Variants in MRPL1 observed in about 807,000 individuals in gnomAD.
MRPL1 encodes large ribosomal subunit protein uL1m.
MRPL1 carries 28 observed loss-of-function variants against 38.0 expected under a neutral mutation model. The observed-to-expected ratio is 0.74, with a 90% confidence interval of 0.55 to 1.01. The LOEUF (loss-of-function observed/expected upper bound fraction) is 1.01. MRPL1 is among the 50% of genes least tolerant of loss of function. The pLI, the probability that MRPL1 is intolerant of heterozygous loss-of-function variation, is 0.00. For synonymous variants in MRPL1, 123 were observed against 126.7 expected (o/e 0.97, Z 0.20); for missense variants, 358 against 389.8 (o/e 0.92, Z 0.69).
chr4:77,931,234 A>C (rs1273919012), intron 7 of MRPL1, among the ~76,000 whole-genome samples: 1 of 152,244 alleles, frequency 6.6e-6, no homozygotes, highest in Non-Finnish European at 1.5e-5. Context: ...CAATTATTGA[A>C]GGCCACCACT....
intron 8 of MRPL1, among the ~76,000 whole-genome samples, chr4:77,950,410 C>T (rs754077698): frequency 6.6e-6 from 1 of 152,166 alleles, no homozygotes; most frequent in Non-Finnish European, 1.5e-5. Flanking sequence ...AGAACACAGG[C>T]ATCCAGTTTC....
rs866310495 is a variant in MRPL1 at position 77,883,256 on chromosome 4, CA to C, written c.165del (p.Gly56ValfsTer14). The part of the protein sequence containing the change: ...FAAATKSAKK[T>X]KKGAKEKTPD... Reference sequence around the variant, plus strand: ...TTTCTTTTAAGGTCTGCAAAGAAAACAAAAAAAGGTGCTAAAGAAAAAACAC... The same window carrying C: ...TTTCTTTTAAGGTCTGCAAAGAAAACAAAAAAGGTGCTAAAGAAAAAACAC... On this transcript the variant is annotated frameshift_variant, in exon 3 of 9. Transcript: ENST00000315567. LOFTEE classifies it high-confidence loss of function. The C allele has an allele frequency of 6.5e-6, 10 of 1,547,118 alleles. No homozygotes were observed. Among genetic ancestry groups the C allele is most frequent in the Admixed American group, 2.0e-5 (1 of 49,434 alleles).
chr4:77,876,533 A>G (rs1375511053), intron 2 of MRPL1, among the ~76,000 whole-genome samples: 1 of 152,268 alleles, frequency 6.6e-6, no homozygotes, highest in Non-Finnish European at 1.5e-5. Context: ...TTAAAAAACC[A>G]TGAAAATTTA....
chr4:77,896,370 G>A (rs1440190241), intron 6 of MRPL1, among the ~76,000 whole-genome samples: 2 of 151,862 alleles, frequency 1.3e-5, no homozygotes, highest in East Asian at 1.9e-4. Flanking sequence ...CCCTATTTGC[G>A]TAGGCACCTT....
intron 7 of MRPL1, among the ~76,000 whole-genome samples, chr4:77,918,107 A>G (rs1457096819): frequency 6.6e-6 from 1 of 152,046 alleles, no homozygotes; most frequent in African/African-American, 2.4e-5. Flanking sequence ...TAGAAGTTAC[A>G]GAAAAGTAGC....
Position 77,949,873 on chromosome 4 carries a change from A to AT in MRPL1, c.857dup (p.Leu286PhefsTer12), listed in dbSNP as rs774278872. 6.2e-7 allele frequency: 1 copy of AT among 1,606,116 alleles called. No individual in the cohort carries two copies. Among genetic ancestry groups the AT allele is most frequent in the Admixed American group, 1.7e-5 (1 of 59,046 alleles). On this transcript the variant is annotated frameshift_variant, in exon 8 of 9. Coordinates refer to ENST00000315567, the MANE Select transcript of MRPL1 (RefSeq NM_020236.4). LOFTEE classifies it high-confidence loss of function. ...GAAGTTTGTAGGCACAGACCGCTGAATTTGGGTAAGTGGTTTGCTGAGGGT... is the reference window on the plus strand; with the variant it reads ...GAAGTTTGTAGGCACAGACCGCTGAATTTTGGGTAAGTGGTTTGCTGAGGGT...
chr4:77,915,422 G>A (rs541100737), intron 7 of MRPL1, among the ~76,000 whole-genome samples: 9 of 151,942 alleles, frequency 5.9e-5, no homozygotes, highest in Non-Finnish European at 1.0e-4. Flanking sequence ...AGTTTTTTTC[G>A]CTTCTCTTTG....
intron 2 of MRPL1, among the ~76,000 whole-genome samples, chr4:77,872,386 T>C (rs1369919562): frequency 6.6e-6 from 1 of 152,236 alleles, no homozygotes; most frequent in African/African-American, 2.4e-5. Flanking sequence ...ATCCGTACTA[T>C]GATTACATAG....
intron 7 of MRPL1, among the ~76,000 whole-genome samples, chr4:77,930,601 A>T (rs1167368238): frequency 6.6e-6 from 1 of 152,186 alleles, no homozygotes; most frequent in Non-Finnish European, 1.5e-5. Context: ...GACTACACAG[A>T]GGCCATAATA....
intron 6 of MRPL1, chr4:77,908,197 G>A (rs529500499): frequency 6.6e-6 from 1 of 152,504 alleles, no homozygotes; most frequent in African/African-American, 2.5e-5. Context: ...ACTTCTTTAT[G>A]GTAGGTAAAA....
chr4:77,883,953 T>A (rs1735612088), intron 3 of MRPL1, among the ~76,000 whole-genome samples: 2 of 152,136 alleles, frequency 1.3e-5, no homozygotes, highest in Admixed American at 1.3e-4. Context: ...GCATGAAAAA[T>A]ATGTTTGTTC....
intron 7 of MRPL1, among the ~76,000 whole-genome samples, chr4:77,926,604 C>T (rs1400943607): frequency 8.5e-6 from 1 of 117,056 alleles, no homozygotes; most frequent in Non-Finnish European, 1.7e-5. Context: ...TAGTTTTTTT[C>T]TTTTTTACTT....
intron 7 of MRPL1, among the ~76,000 whole-genome samples, chr4:77,930,095 C>T (rs1736811131): frequency 6.6e-6 from 1 of 152,178 alleles, no homozygotes; most frequent in Non-Finnish European, 1.5e-5. Context: ...CATTTGTCCC[C>T]TTCTGTCGTC....
chr4:77,932,143 A>G (rs909870078), intron 7 of MRPL1, among the ~76,000 whole-genome samples: 1 of 152,234 alleles, frequency 6.6e-6, no homozygotes, highest in Non-Finnish European at 1.5e-5. Context: ...TCAATCTGCC[A>G]CTTCTGGGAG....
At chr4:77,928,024 T>G (rs569264822) in intron 7 of MRPL1, among the ~76,000 whole-genome samples, 26 of 152,346 alleles carry the variant, frequency 1.7e-4, no homozygotes, top group Admixed American at 1.2e-3. Context: ...TGATATGTTC[T>G]TTGTTTTTCT....
chr4:77,932,544 A>G (rs1736871878), intron 7 of MRPL1, among the ~76,000 whole-genome samples: 1 of 152,210 alleles, frequency 6.6e-6, no homozygotes, highest in Non-Finnish European at 1.5e-5. Flanking sequence ...TCCATTTCCA[A>G]CATCCTCTTT....
At chr4:77,895,987 AAAC>A (rs1252271798) in intron 6 of MRPL1, among the ~76,000 whole-genome samples, 1 of 152,196 alleles carries the variant, frequency 6.6e-6, no homozygotes, top group African/African-American at 2.4e-5. Context: ...AATCAGAGCA[AAAC>A]AAACAGTACT....
intron 6 of MRPL1, among the ~76,000 whole-genome samples, chr4:77,907,540 C>G (rs181805336): frequency 6.2e-5 from 9 of 144,508 alleles, no homozygotes; most frequent in Admixed American, 4.1e-4. Context: ...CTCTCTCTCT[C>G]TCTCAGCCTC....
intron 1 of MRPL1, among the ~76,000 whole-genome samples, chr4:77,863,543 T>G (rs1735055244): frequency 6.8e-6 from 1 of 147,614 alleles, no homozygotes; most frequent in Non-Finnish European, 1.5e-5. Flanking sequence ...CTCAGCTCAC[T>G]GCAACCTCCG....
Sources: allele counts gnomAD v4.1 joint callset (sites outside exome capture counted in the v4.1 genomes callset), GRCh38; gene constraint gnomAD v4.1.1; transcripts MANE v1.5; gene names NCBI Gene and HGNC (gene_info 2026-07-23, HGNC 2026-07-21).